The following NDUFA7 variants were observed in gnomAD, a reference collection of about 807,000 sequenced individuals.
NDUFA7 encodes NADH dehydrogenase [ubiquinone] 1 alpha subcomplex subunit 7.
Under a neutral mutation model 14.2 loss-of-function variants are expected in NDUFA7, and 18 were observed. The ratio of observed to expected loss-of-function variants is 1.27; its 90% CI spans 0.88 to 1.88. The LOEUF is 1.88. Among genes scored for constraint, NDUFA7 ranks in the 40% most tolerant of loss-of-function variants. The pLI is 0.00. For missense variants in NDUFA7, 172 were observed against 147.3 expected, an observed-to-expected ratio of 1.17 and a Z score of -0.87; for synonymous variants, 75 against 62.1, an observed-to-expected ratio of 1.21 and a Z score of -0.98.
chr19:8,312,074 G>A (rs118171337), intron 3 of NDUFA7, among the ~76,000 whole-genome samples: 261 of 152,358 alleles, frequency 1.7e-3, no homozygotes, highest in Non-Finnish European at 3.0e-3. Flanking sequence ...ACCGCCCTCA[G>A]GAAGACTCAG....
At chr19:8,318,305 C>T (rs1970259561) in intron 2 of NDUFA7, among the ~76,000 whole-genome samples, 1 of 152,046 alleles carries the variant, frequency 6.6e-6, no homozygotes, top group African/African-American at 2.4e-5. Flanking sequence ...CGTGTGCCAC[C>T]ATGCTGGCTA....
chr19:8,309,330 C>T (rs1048832813), downstream of NDUFA7, among the ~76,000 whole-genome samples: 1 of 151,798 alleles, frequency 6.6e-6, no homozygotes, highest in African/African-American at 2.4e-5. Flanking sequence ...AAAAATTAGC[C>T]GGGTGTGGTA....
rs927276622 is a variant in NDUFA7, at chr19:8,311,328, C to A, written c.*177G>T. The A allele has an allele frequency of 3.1e-5, 15 of 479,046 alleles. No homozygotes were observed. Among genetic ancestry groups the A allele is most frequent in the Non-Finnish European group, 4.8e-5 (13 of 272,960 alleles). The allele number at this position is 479,046 out of a possible 1,614,324, so 29.7% of individuals were successfully genotyped here. A position where few individuals can be genotyped will look rare whatever the true frequency, so the allele number is the denominator to read the frequency against. On this transcript the variant is annotated 3_prime_UTR_variant, in exon 4 of 4. Transcript: ENST00000301457. Reference sequence around the variant, plus strand: ...GTCAAGGCAGGAGGATCGCTTGAGGCCAGGAGTTCAAGATCAGCCTGGGAA... The same window carrying A: ...GTCAAGGCAGGAGGATCGCTTGAGGACAGGAGTTCAAGATCAGCCTGGGAA...
chr19:8,313,908 C>T (rs752085573), intron 3 of NDUFA7, among the ~76,000 whole-genome samples: 6 of 152,196 alleles, frequency 3.9e-5, no homozygotes, highest in Non-Finnish European at 7.3e-5. Context: ...GACTAACCCT[C>T]GTAACAGCTT....
Position 8,316,596 on chromosome 19 carries a change from T to C in NDUFA7, c.151A>G (p.Asn51Asp). 5 of 1,614,080 alleles carry C rather than the reference T, an allele frequency of 3.1e-6. No homozygotes were observed. The highest frequency in any genetic ancestry group is 4.2e-6 in the Non-Finnish European group (5 of 1,179,994). ...CCATCGCGAGTGCAATAGTAATTGT[T>C]GGAGAGCTTGTGGCTAGGACCCACA... Reference protein sequence around the residue: ...LPVGPSHKLSNNYYCTRDGRR... With the variant: ...LPVGPSHKLSDNYYCTRDGRR... The change falls in exon 3 of 4, where the codon AAC (asparagine) becomes GAC (aspartate). Residue 51 changes from asparagine (N) to aspartate (D), a missense_variant. Coordinates refer to ENST00000301457, the MANE Select transcript of NDUFA7 (RefSeq NM_005001.5).
At chr19:8,316,279 T>G (rs2972570) in intron 3 of NDUFA7, among the ~76,000 whole-genome samples, 1 of 151,706 alleles carries the variant, frequency 6.6e-6, no homozygotes, top group Non-Finnish European at 1.5e-5. Flanking sequence ...GAGTGATGAT[T>G]GCGCCATTGC....
chr19:8,309,503 C>G (rs1278934043), downstream of NDUFA7, among the ~76,000 whole-genome samples: 1 of 151,878 alleles, frequency 6.6e-6, no homozygotes, highest in Non-Finnish European at 1.5e-5. Context: ...GGTCATAAAA[C>G]TTGGTTCAGA....
chr19:8,312,722 C>T lies in NDUFA7; in HGVS notation c.252-1127G>A, dbSNP rs146422628. Among the ~76,000 whole-genome samples, 221 of 152,200 alleles carry T rather than the reference C, an allele frequency of 1.5e-3. 2 individuals carry two copies. The highest frequency in any genetic ancestry group is 4.8e-3 in the African/African-American group (200 of 41,526). On this transcript the variant is annotated intron_variant, in intron 3 of 3. Transcript: ENST00000301457. ...TGTCACCCAGGCTGGAGTGCAGTGG[C>T]GCAATCTCAGCTCAGTGAAGCTTCC... is the stretch of plus-strand genomic sequence containing the variant.
chr19:8,316,776 G>A (rs768386495), intron 2 of NDUFA7, 131 bp from the exon 3 acceptor site: 16 of 1,091,308 alleles, frequency 1.5e-5, no homozygotes, highest in Non-Finnish European at 2.0e-5. Context: ...CAGGCTGGGG[G>A]TGTCCCTTGG....
intron 3 of NDUFA7, among the ~76,000 whole-genome samples, chr19:8,313,294 G>A (rs1302447144): frequency 2.0e-5 from 3 of 151,056 alleles, no homozygotes; most frequent in South Asian, 2.1e-4. Flanking sequence ...GCAGTGGCGC[G>A]ATCTCAGTGA....
intron 3 of NDUFA7, among the ~76,000 whole-genome samples, chr19:8,315,005 G>A (rs1970217077): frequency 6.6e-6 from 1 of 152,210 alleles, no homozygotes; most frequent in African/African-American, 2.4e-5. Context: ...CCTGAGACAT[G>A]TGCTATGTCA....
intron 3 of NDUFA7, among the ~76,000 whole-genome samples, chr19:8,312,616 G>A (rs1326543464): frequency 6.6e-6 from 1 of 152,042 alleles, no homozygotes; most frequent in Non-Finnish European, 1.5e-5. Flanking sequence ...AAGTAACTGG[G>A]ATTACAGGTG....
At chr19:8,309,551 C>T (rs114856499), downstream of NDUFA7, among the ~76,000 whole-genome samples, 2,893 of 152,244 alleles carry the variant, frequency 0.019, 88 homozygotes, top group African/African-American at 0.066. Context: ...GTCTTGCCCT[C>T]CTTGTGGCCT....
At chr19:8,309,211 C>T (rs1422114528), downstream of NDUFA7, among the ~76,000 whole-genome samples, 1 of 151,930 alleles carries the variant, frequency 6.6e-6, no homozygotes, top group Non-Finnish European at 1.5e-5. Flanking sequence ...CGCTGGCTCA[C>T]GCCTGTTAAC....
At chr19:8,317,539 G>A (rs1970249807) in intron 2 of NDUFA7, among the ~76,000 whole-genome samples, 1 of 152,072 alleles carries the variant, frequency 6.6e-6, no homozygotes, top group Non-Finnish European at 1.5e-5. Context: ...AACAAAAGAC[G>A]GGCTTTCCAG....
chr19:8,311,586 T>A lies in NDUFA7; in HGVS notation c.261A>T (p.Val87=), dbSNP rs750634969. Residue 87 remains valine (V), a synonymous_variant, in exon 4 of 4, where the codon GTA becomes GTT. Transcript: ENST00000301457. ...VSGKPAESSA[V]AATEKKAVTP... ...TCACCGCCTTCTTCTCAGTGGCAGC[T>A]ACAGCAGAGCTGGAGGAGGGAAAGA... 3 of 1,612,116 alleles carry A rather than the reference T, an allele frequency of 1.9e-6. No homozygotes were observed. Among genetic ancestry groups the A allele is most frequent in the South Asian group, 2.2e-5 (2 of 90,892 alleles).
At chr19:8,309,651 G>A (rs1440998010), downstream of NDUFA7, among the ~76,000 whole-genome samples, 1 of 152,054 alleles carries the variant, frequency 6.6e-6, no homozygotes, top group Admixed American at 6.6e-5. Flanking sequence ...CCTTCTCCAG[G>A]AAGGTGTTAG....
At chr19:8,317,821 A>G (rs938490734) in intron 2 of NDUFA7, among the ~76,000 whole-genome samples, 2 of 151,994 alleles carry the variant, frequency 1.3e-5, no homozygotes, top group Non-Finnish European at 2.9e-5. Flanking sequence ...ACACTACCAC[A>G]TCTGGCTAAA....
At chr19:8,312,240 A>C (rs1449032351) in intron 3 of NDUFA7, among the ~76,000 whole-genome samples, 1 of 152,176 alleles carries the variant, frequency 6.6e-6, no homozygotes, top group African/African-American at 2.4e-5. Context: ...TGTGGAGCTC[A>C]CACACTTCAC....
Sources: allele counts gnomAD v4.1 joint callset (sites outside exome capture counted in the v4.1 genomes callset), GRCh38; gene constraint gnomAD v4.1.1; transcripts MANE v1.5; gene names NCBI Gene and HGNC (gene_info 2026-07-23, HGNC 2026-07-21).